Variants in ZNF236 observed in about 807,000 individuals in gnomAD.
ZNF236 encodes zinc finger protein 236.
In ZNF236, 50 loss-of-function variants were observed where a neutral mutation model predicts 191.2. The observed-to-expected ratio is 0.26, with a 90% CI of 0.21 to 0.33. ZNF236 has a LOEUF of 0.33. ZNF236 is among the 10% of genes least tolerant of loss of function. The pLI is 1.00. For synonymous variants in ZNF236, 907 were observed against 928.8 expected (o/e 0.98, Z 0.43); for missense variants, 1,754 against 2,374.5 (o/e 0.74, Z 5.43).
At chr18:76,924,911 A>G (rs1024324839) in intron 21 of ZNF236, among the ~76,000 whole-genome samples, 11 of 152,350 alleles carry the variant, frequency 7.2e-5, no homozygotes, top group African/African-American at 1.7e-4. Context: ...AACTACTCCA[A>G]TCAAGGTTCA....
In ZNF236 at chr18:76,913,331, A is replaced by C. The variant is rs1160277778; in HGVS notation, c.2910-416A>C. Among the ~76,000 whole-genome samples, 3 of 152,210 alleles carry C rather than the reference A, an allele frequency of 2.0e-5. No individual in the cohort carries two copies. In the East Asian group the frequency reaches 5.8e-4, roughly 29 times the overall value. The stretch of plus-strand genomic sequence containing the variant: ...AAGGAGTACATGGATTGGCATTTCC[A>C]AGTGACTAGATACAGGAGTGATTCT... On this transcript the variant is annotated intron_variant, in intron 17 of 30. Coordinates refer to ENST00000320610, the MANE Select transcript of ZNF236 (RefSeq NM_001306089.2).
At chr18:76,942,208 G>A (rs376475472) in intron 26 of ZNF236, among the ~76,000 whole-genome samples, 93 of 152,264 alleles carry the variant, frequency 6.1e-4, no homozygotes, top group African/African-American at 2.1e-3. Flanking sequence ...ATGAGGAAAC[G>A]GACTAATAGC....
chr18:76,838,744 T>C (rs1407823445), intron 1 of ZNF236, among the ~76,000 whole-genome samples: 2 of 152,190 alleles, frequency 1.3e-5, no homozygotes, highest in Admixed American at 1.3e-4. Context: ...TATATTGATA[T>C]ATAACACACA....
intron 3 of ZNF236, among the ~76,000 whole-genome samples, chr18:76,861,975 T>TG (rs1351777093): frequency 6.6e-6 from 1 of 152,210 alleles, no homozygotes; most frequent in Non-Finnish European, 1.5e-5. Context: ...GCCATTCTCC[T>TG]GCCTCAGCCT....
chr18:76,839,491 C>T (rs1191846443), intron 1 of ZNF236, among the ~76,000 whole-genome samples: 1 of 152,154 alleles, frequency 6.6e-6, no homozygotes, highest in East Asian at 1.9e-4. Flanking sequence ...ATCTTAACAA[C>T]CCTGTGAGTA....
At chr18:76,846,581 G>A (rs1382709428) in intron 1 of ZNF236, among the ~76,000 whole-genome samples, 1 of 152,138 alleles carries the variant, frequency 6.6e-6, no homozygotes, top group African/African-American at 2.4e-5. Flanking sequence ...AAACCATGTT[G>A]TTGTTTTTAA....
intron 9 of ZNF236, among the ~76,000 whole-genome samples, chr18:76,883,283 A>G (rs899605386): frequency 6.6e-6 from 1 of 150,728 alleles, no homozygotes; most frequent in Non-Finnish European, 1.5e-5. Flanking sequence ...ATACACATGT[A>G]GAGTACTGAG....
chr18:76,865,156 G>A (rs756820847), intron 3 of ZNF236, among the ~76,000 whole-genome samples: 7 of 152,154 alleles, frequency 4.6e-5, no homozygotes, highest in Non-Finnish European at 7.3e-5. Context: ...GGCCAACATG[G>A]TGAAGCCCCA....
chr18:76,856,813 T>G (rs1291080372), intron 3 of ZNF236, among the ~76,000 whole-genome samples: 1 of 152,216 alleles, frequency 6.6e-6, no homozygotes, highest in Non-Finnish European at 1.5e-5. Context: ...ATTTTTAAAT[T>G]GTCATGGACT....
intron 9 of ZNF236, among the ~76,000 whole-genome samples, chr18:76,891,440 A>G (rs1465834571): frequency 4.6e-5 from 7 of 152,196 alleles, no homozygotes; most frequent in African/African-American, 1.4e-4. Flanking sequence ...TGCCACGATC[A>G]TAGCTCACTG....
chr18:76,892,785 T>C (rs1009849015), intron 9 of ZNF236, among the ~76,000 whole-genome samples: 3 of 152,236 alleles, frequency 2.0e-5, no homozygotes, highest in Non-Finnish European at 4.4e-5. Context: ...CAGGCTGGTT[T>C]TGAACTGCTG....
At chr18:76,896,354 AACACAGGTACTGC>A (rs1411440868) in intron 10 of ZNF236, among the ~76,000 whole-genome samples, 23 of 151,726 alleles carry the variant, frequency 1.5e-4, no homozygotes, top group Admixed American at 1.2e-3. Context: ...CACAGTACCA[AACACAGGTACTGC>A]ACACAGGTAC....
At chr18:76,877,355 A>G (rs939604222) in intron 6 of ZNF236, among the ~76,000 whole-genome samples, 1 of 152,070 alleles carries the variant, frequency 6.6e-6, no homozygotes, top group Non-Finnish European at 1.5e-5. Flanking sequence ...CTAAAATACA[A>G]AAATTAGCTG....
chr18:76,922,837 G>A (rs963264904), intron 20 of ZNF236, among the ~76,000 whole-genome samples: 3 of 152,156 alleles, frequency 2.0e-5, no homozygotes, highest in Non-Finnish European at 4.4e-5. Flanking sequence ...GATTACAGGC[G>A]TGAGCCACCG....
chr18:76,868,822 C>T lies in ZNF236; in HGVS notation c.501C>T (p.Ser167=), dbSNP rs2122594392. 1 of 1,613,366 alleles carries T rather than the reference C, an allele frequency of 6.2e-7. No homozygotes were observed. The highest frequency in any genetic ancestry group is 1.6e-4 in the Middle Eastern group (1 of 6,062). The stretch of plus-strand genomic sequence containing the variant: ...CCTGCAAGAAAGAGTTCGAGACCTC[C>T]TCGGAGCTGAAGGAACACATGAAGA... ...CKACKKEFET[S]SELKEHMKTH... is the part of the protein sequence containing the mutation. The change falls in exon 4 of 31, where the codon TCC becomes TCT. Residue 167 remains serine (S), a synonymous_variant. Transcript: ENST00000320610.
At chr18:76,854,487 G>T (rs1405499614) in intron 3 of ZNF236, among the ~76,000 whole-genome samples, 2 of 150,880 alleles carry the variant, frequency 1.3e-5, no homozygotes, top group Non-Finnish European at 2.9e-5. Flanking sequence ...TCTCGGGTGG[G>T]TGTGGCAGCT....
At chr18:76,853,846 A>G (rs995175751) in intron 3 of ZNF236, among the ~76,000 whole-genome samples, 20 of 152,122 alleles carry the variant, frequency 1.3e-4, no homozygotes, top group African/African-American at 3.9e-4. Context: ...CCCTGTCTCT[A>G]TTAAAAATAC....
At chr18:76,883,876 C>G (rs539162779) in intron 9 of ZNF236, among the ~76,000 whole-genome samples, 1 of 152,294 alleles carries the variant, frequency 6.6e-6, no homozygotes, top group Admixed American at 6.5e-5. Context: ...GAAAACTATT[C>G]TTGTCTCGTA....
intron 18 of ZNF236, among the ~76,000 whole-genome samples, chr18:76,915,106 TAGG>T (rs1446495057): frequency 6.6e-6 from 1 of 152,028 alleles, no homozygotes; most frequent in Non-Finnish European, 1.5e-5. Context: ...AAGACAGAAA[TAGG>T]AGGAAAATAG....
Sources: gnomAD v4.1 joint callset for allele counts (sites outside exome capture counted in the v4.1 genomes callset) on GRCh38, gnomAD v4.1.1 for gene constraint, MANE v1.5 for transcripts, NCBI Gene and HGNC (gene_info 2026-07-23, HGNC 2026-07-21) for gene names.